KCNG2: variants seen among roughly 807,000 people sequenced by gnomAD.
KCNG2 encodes potassium voltage-gated channel modifier subfamily G member 2.
A neutral mutation model predicts 12.3 loss-of-function variants in KCNG2; 7 were observed. The observed-to-expected ratio is 0.57, with a 90% confidence interval of 0.32 to 1.07. KCNG2 has a LOEUF of 1.07. Ranked by LOEUF, KCNG2 falls within the 50% of genes least tolerant of loss-of-function variation. The pLI is 0.04. For synonymous variants in KCNG2, 414 were observed against 351.4 expected (o/e 1.18, Z -1.99); for missense variants, 703 against 726.0 (o/e 0.97, Z 0.36).
chr18:79,899,318 G>C lies in KCNG2; in HGVS notation c.903G>C (p.Leu301=). Residue 301 remains leucine, a synonymous_variant, in exon 4 of 4, where the codon CTG becomes CTC. Transcript: ENST00000316249. The part of the protein sequence containing the change: ...RALRVLYVMR[L]ARHSLGLRSL... ...TGCGCGTGCTCTACGTGATGCGCCT[G>C]GCGCGCCACTCGCTGGGGCTGCGTT... The C allele has an allele frequency of 6.4e-7, 1 of 1,553,500 alleles. No homozygotes were observed. The highest frequency in any genetic ancestry group is 8.6e-7 in the Non-Finnish European group (1 of 1,159,754).
intron 3 of KCNG2, among the ~76,000 whole-genome samples, chr18:79,893,022 A>C (rs1021636945): frequency 7.5e-5 from 11 of 147,500 alleles, no homozygotes; most frequent in Admixed American, 6.7e-5. Flanking sequence ...ATTCACATCT[A>C]ATGTTACAAT....
intron 3 of KCNG2, among the ~76,000 whole-genome samples, chr18:79,881,304 C>G (rs937546557): frequency 6.6e-6 from 1 of 152,070 alleles, no homozygotes; most frequent in Non-Finnish European, 1.5e-5. Flanking sequence ...AATAGGACTG[C>G]CTATGTAGAA....
At chr18:79,881,655 G>A (rs1213732554) in intron 3 of KCNG2, among the ~76,000 whole-genome samples, 1 of 152,208 alleles carries the variant, frequency 6.6e-6, no homozygotes, top group Non-Finnish European at 1.5e-5. Flanking sequence ...TGAAGACTCG[G>A]TGTGACTAAG....
intron 3 of KCNG2, among the ~76,000 whole-genome samples, chr18:79,876,445 G>A (rs1285281280): frequency 6.6e-6 from 1 of 152,246 alleles, no homozygotes; most frequent in Non-Finnish European, 1.5e-5. Flanking sequence ...GTGGGCTGCA[G>A]TTCCCGGGAA....
At chr18:79,811,080 C>T (rs2087490916) in intron 1 of KCNG2, among the ~76,000 whole-genome samples, 1 of 152,166 alleles carries the variant, frequency 6.6e-6, no homozygotes, top group Non-Finnish European at 1.5e-5. Context: ...AAAGAAATTA[C>T]AGACCTAAAG....
chr18:79,826,477 A>G (rs1192349815), intron 1 of KCNG2, among the ~76,000 whole-genome samples: 2 of 149,988 alleles, frequency 1.3e-5, no homozygotes, highest in Non-Finnish European at 3.0e-5. Context: ...TCAGTGAAAG[A>G]ACTGAGTGAG....
chr18:79,894,555 T>C (rs1282448565), intron 3 of KCNG2, among the ~76,000 whole-genome samples: 1 of 152,204 alleles, frequency 6.6e-6, no homozygotes, highest in African/African-American at 2.4e-5. Flanking sequence ...ACGATTGATA[T>C]AGTTGGGTCT....
chr18:79,828,127 G>A (rs1006551958), intron 1 of KCNG2, among the ~76,000 whole-genome samples: 1 of 152,146 alleles, frequency 6.6e-6, no homozygotes, highest in Admixed American at 6.5e-5. Context: ...GTTTCACCAT[G>A]TTGGCCAGTC....
At chr18:79,829,649 C>T (rs898938634) in intron 1 of KCNG2, among the ~76,000 whole-genome samples, 6 of 152,118 alleles carry the variant, frequency 3.9e-5, no homozygotes, top group East Asian at 3.9e-4. Flanking sequence ...TGCCTCACAC[C>T]GGTCAGCCTC....
intron 1 of KCNG2, among the ~76,000 whole-genome samples, chr18:79,809,729 A>G (rs1311386447): frequency 6.6e-6 from 1 of 152,188 alleles, no homozygotes; most frequent in African/African-American, 2.4e-5. Context: ...CCAGAAGGCA[A>G]TCTTCACGCC....
intron 1 of KCNG2, among the ~76,000 whole-genome samples, chr18:79,848,138 C>T (rs530837549): frequency 2.0e-5 from 3 of 152,144 alleles, no homozygotes; most frequent in Non-Finnish European, 4.4e-5. Context: ...GTGGGCTCAG[C>T]AGCTGCCAGG....
At position 79,822,320 on chromosome 18, in the gene KCNG2, G is replaced by A. The variant is rs1022102939; in HGVS notation, c.-115+24306G>A. ...TTTAAAACCCCACTCAGATGTCACC[G>A]CGTTCTTCATACTAGAGCCACGGTT... On this transcript the variant is annotated intron_variant, in intron 1 of 3. Transcript: ENST00000316249. The surrounding 1 kb of genome is among the most constrained non-coding windows in gnomAD (Gnocchi z 4.4). 5.9e-5 allele frequency among the ~76,000 whole-genome samples: 9 copies of A among 152,208 alleles called. No homozygotes were observed. The highest frequency in any genetic ancestry group is 5.8e-4 in the East Asian group (3 of 5,186).
intron 3 of KCNG2, among the ~76,000 whole-genome samples, chr18:79,897,716 C>A (rs1981028824): frequency 6.6e-6 from 1 of 152,002 alleles, no homozygotes; most frequent in South Asian, 2.1e-4. Flanking sequence ...TAGTCCCCAT[C>A]CTGGGCCTGT....
In KCNG2 at chr18:79,884,623, GTTGC is replaced by G; in HGVS notation, c.625-14414_625-14411del. Among the ~76,000 whole-genome samples the G allele has an allele frequency of 1.3e-5, 2 of 152,308 alleles. No homozygotes were observed. Among genetic ancestry groups the G allele is most frequent in the Middle Eastern group, 6.8e-3 (2 of 294 alleles). ...TCTAGATTCTGGGATTCCTTTCATC[GTTGC>G]TTTTTGTGTTTTCTACCTAGAGCGG... is the stretch of plus-strand genomic sequence containing the variant. On this transcript the variant is annotated intron_variant, in intron 3 of 3. Coordinates refer to ENST00000316249, the MANE Select transcript of KCNG2 (RefSeq NM_012283.2). The surrounding 1 kb of genome is among the most constrained non-coding windows in gnomAD (Gnocchi z 5.5).
chr18:79,833,042 GA>G (rs1403360338), intron 1 of KCNG2, among the ~76,000 whole-genome samples: 5 of 151,610 alleles, frequency 3.3e-5, no homozygotes, highest in Non-Finnish European at 7.4e-5. Context: ...AACTTTTTTT[GA>G]AATTTGTATA....
intron 1 of KCNG2, among the ~76,000 whole-genome samples, chr18:79,819,762 T>G (rs566728386): frequency 4.6e-5 from 7 of 152,346 alleles, no homozygotes; most frequent in Middle Eastern, 3.4e-3. Context: ...GTAGCATGAA[T>G]TCCAACCGCC....
chr18:79,812,530 G>A (rs190771724), intron 1 of KCNG2, among the ~76,000 whole-genome samples: 4 of 152,166 alleles, frequency 2.6e-5, no homozygotes, highest in Admixed American at 1.3e-4. Flanking sequence ...CATACCTGGC[G>A]ACCACATTAA....
At chr18:79,830,714 G>A (rs184983499) in intron 1 of KCNG2, among the ~76,000 whole-genome samples, 2 of 146,818 alleles carry the variant, frequency 1.4e-5, no homozygotes, top group African/African-American at 5.0e-5. Flanking sequence ...TCGTCAGGAG[G>A]GTTCCCTGCA....
chr18:79,898,984 G>GC (rs2123139777), intron 3 of KCNG2, 56 bp from the exon 4 acceptor site: 2 of 1,323,306 alleles, frequency 1.5e-6, no homozygotes, highest in Non-Finnish European at 2.0e-6. Flanking sequence ...AGGGCAAGGC[G>GC]CCCCCGGCCC....
Sources: allele counts gnomAD v4.1 joint callset (sites outside exome capture counted in the v4.1 genomes callset), GRCh38; gene constraint gnomAD v4.1.1; non-coding constraint Gnocchi (gnomAD v3.1); transcripts MANE v1.5; gene names NCBI Gene and HGNC (gene_info 2026-07-23, HGNC 2026-07-21).